TAFA2: variants seen among roughly 807,000 people sequenced by gnomAD.
TAFA2 encodes chemokine-like protein TAFA-2.
Under a neutral mutation model 18.8 loss-of-function variants are expected in TAFA2, and 7 were observed. That is an observed-to-expected ratio of 0.37 (90% CI 0.21 to 0.70). The LOEUF is 0.70. TAFA2 is among the 30% of genes least tolerant of loss of function. The pLI is 0.53. For missense variants in TAFA2, 122 were observed against 158.1 expected (o/e 0.77, Z 1.23); for synonymous variants, 60 against 54.2 (o/e 1.11, Z -0.47).
chr12:61,781,609 G>A (rs1870508191), intron 2 of TAFA2, among the ~76,000 whole-genome samples: 1 of 151,622 alleles, frequency 6.6e-6, no homozygotes, highest in Non-Finnish European at 1.5e-5. Flanking sequence ...GTGTATGTGT[G>A]TGTACCATGG....
chr12:62,058,539 C>A (rs1297187872), intron 1 of TAFA2, among the ~76,000 whole-genome samples: 1 of 152,192 alleles, frequency 6.6e-6, no homozygotes, highest in African/African-American at 2.4e-5. Context: ...TGAGGCAAGG[C>A]AGTCAGTAAA....
At chr12:61,967,949 A>G (rs1266889714) in intron 1 of TAFA2, among the ~76,000 whole-genome samples, 1 of 151,830 alleles carries the variant, frequency 6.6e-6, no homozygotes, top group African/African-American at 2.4e-5. Flanking sequence ...ATCTGGGTCC[A>G]GGCCTGGTAA....
At chr12:62,143,011 A>G (rs1232462443) in intron 1 of TAFA2, among the ~76,000 whole-genome samples, 1 of 152,208 alleles carries the variant, frequency 6.6e-6, no homozygotes. Context: ...ATAAGGGCTT[A>G]CCCAAAGTTC....
chr12:62,052,472 G>A (rs557995811), intron 1 of TAFA2, among the ~76,000 whole-genome samples: 55 of 152,270 alleles, frequency 3.6e-4, no homozygotes, highest in African/African-American at 1.3e-3. Flanking sequence ...AAATACAAGT[G>A]TGAGCCACTG....
chr12:61,732,327 TC>T (rs1355764996), intron 4 of TAFA2, among the ~76,000 whole-genome samples: 3 of 152,140 alleles, frequency 2.0e-5, no homozygotes, highest in Non-Finnish European at 2.9e-5. Flanking sequence ...TGTTCATTTG[TC>T]TGTTTACTTC....
chr12:61,784,417 C>T (rs1870640002), intron 2 of TAFA2, among the ~76,000 whole-genome samples: 2 of 151,512 alleles, frequency 1.3e-5, no homozygotes, highest in Admixed American at 6.6e-5. Context: ...ATCTCTCGTC[C>T]TCAGAGTGGC....
At position 62,019,690 on chromosome 12, in the gene TAFA2, G is replaced by A. The variant is rs559655378; in HGVS notation, c.-1-152264C>T. On this transcript the variant is annotated intron_variant, in intron 1 of 4. Transcript: ENST00000416284. ...TGTTGTGGGGTGGGGGGAGGGAGGG[G>A]GATAGCATTAGGAGATATACCTAAT... 3.2e-3 allele frequency among the ~76,000 whole-genome samples: 482 copies of A among 149,594 alleles called. 1 individual carries two copies. The highest frequency in any genetic ancestry group is 0.011 in the African/African-American group (445 of 40,610).
At chr12:62,080,549 A>G (rs1421890544) in intron 1 of TAFA2, among the ~76,000 whole-genome samples, 1 of 152,170 alleles carries the variant, frequency 6.6e-6, no homozygotes, top group East Asian at 1.9e-4. Context: ...TGAATCATAG[A>G]CATGGGAATG....
intron 1 of TAFA2, among the ~76,000 whole-genome samples, chr12:62,173,882 T>C (rs1405562991): frequency 6.6e-6 from 1 of 152,192 alleles, no homozygotes; most frequent in Non-Finnish European, 1.5e-5. Flanking sequence ...GATATCCAGA[T>C]GGAGAGACAT....
intron 2 of TAFA2, among the ~76,000 whole-genome samples, chr12:61,843,977 A>G (rs555327667): frequency 8.5e-5 from 13 of 152,306 alleles, no homozygotes; most frequent in Admixed American, 2.6e-4. Flanking sequence ...GAGAAAATGT[A>G]CAGCATTAAG....
chr12:61,872,167 G>A (rs953584368), intron 1 of TAFA2, among the ~76,000 whole-genome samples: 1 of 151,948 alleles, frequency 6.6e-6, no homozygotes, highest in Non-Finnish European at 1.5e-5. Flanking sequence ...CAAAAACCTG[G>A]AAGGAAAAAG....
At chr12:62,038,399 A>T (rs567822597) in intron 1 of TAFA2, among the ~76,000 whole-genome samples, 2 of 152,332 alleles carry the variant, frequency 1.3e-5, no homozygotes, top group South Asian at 2.1e-4. Context: ...GACCAACTGC[A>T]GACTGAAAAT....
chr12:62,078,257 C>T (rs946070252), intron 1 of TAFA2, among the ~76,000 whole-genome samples: 2 of 152,138 alleles, frequency 1.3e-5, no homozygotes, highest in African/African-American at 4.8e-5. Flanking sequence ...AAGGCAGAGC[C>T]TAACGTTTAC....
At chr12:61,752,509 T>A (rs2120751718) in intron 4 of TAFA2, among the ~76,000 whole-genome samples, 1 of 152,142 alleles carries the variant, frequency 6.6e-6, no homozygotes, top group African/African-American at 2.4e-5. Context: ...GCTCACTGAA[T>A]AATATAATTA....
chr12:62,010,381 C>A (rs573962068), intron 1 of TAFA2, among the ~76,000 whole-genome samples: 2 of 152,268 alleles, frequency 1.3e-5, no homozygotes, highest in South Asian at 4.2e-4. Context: ...TGGTCTCCGG[C>A]TCCTGACCTC....
intron 1 of TAFA2, among the ~76,000 whole-genome samples, chr12:61,877,510 C>T (rs2121259138): frequency 6.6e-6 from 1 of 152,228 alleles, no homozygotes; most frequent in Non-Finnish European, 1.5e-5. Context: ...AAGCCTATTA[C>T]CTGGGTCTAT....
chr12:62,167,814 A>G (rs1177110260), intron 1 of TAFA2, among the ~76,000 whole-genome samples: 1 of 152,162 alleles, frequency 6.6e-6, no homozygotes, highest in East Asian at 1.9e-4. Flanking sequence ...AAAGTAAAAG[A>G]CACACTTGAA....
intron 1 of TAFA2, among the ~76,000 whole-genome samples, chr12:61,992,414 T>G (rs1334019089): frequency 6.6e-6 from 1 of 152,134 alleles, no homozygotes; most frequent in Non-Finnish European, 1.5e-5. Flanking sequence ...TGAAAATACA[T>G]CTAACCAATT....
intron 2 of TAFA2, among the ~76,000 whole-genome samples, chr12:61,794,208 G>C (rs1057107338): frequency 2.6e-5 from 4 of 152,014 alleles, no homozygotes; most frequent in South Asian, 4.1e-4. Flanking sequence ...AGTTCAGTCA[G>C]GCAAGATAAA....
Sources: allele counts gnomAD v4.1 joint callset (sites outside exome capture counted in the v4.1 genomes callset), GRCh38; gene constraint gnomAD v4.1.1; transcripts MANE v1.5; gene names NCBI Gene and HGNC (gene_info 2026-07-23, HGNC 2026-07-21).